The following SLC35F1 variants were observed in gnomAD, a reference collection of about 807,000 sequenced individuals.
SLC35F1 encodes the protein chromosome 6 open reading frame 169.
Under a neutral mutation model 48.7 loss-of-function variants are expected in SLC35F1, and 14 were observed. That is an observed-to-expected ratio of 0.29 (90% CI 0.19 to 0.45). The LOEUF is 0.45. SLC35F1 is among the 20% of genes least tolerant of loss of function. SLC35F1 has a pLI of 1.00. For synonymous variants in SLC35F1, 190 were observed against 202.2 expected (o/e 0.94, Z 0.51); for missense variants, 404 against 500.0 (o/e 0.81, Z 1.83).
At chr6:118,108,234 G>A (rs1270469075) in intron 1 of SLC35F1, among the ~76,000 whole-genome samples, 2 of 152,144 alleles carry the variant, frequency 1.3e-5, no homozygotes, top group African/African-American at 4.8e-5. Flanking sequence ...TCTGGAACTT[G>A]ATGTTTAACT....
chr6:118,062,233 G>GTTAA (rs2114276347), intron 1 of SLC35F1, among the ~76,000 whole-genome samples: 1 of 152,248 alleles, frequency 6.6e-6, no homozygotes, highest in Non-Finnish European at 1.5e-5. Context: ...TGTTGTCAAT[G>GTTAA]TTAACAGAGG....
At chr6:118,113,329 C>T (rs1773435112) in intron 1 of SLC35F1, among the ~76,000 whole-genome samples, 1 of 152,088 alleles carries the variant, frequency 6.6e-6, no homozygotes, top group Non-Finnish European at 1.5e-5. Flanking sequence ...TTAAGTGATC[C>T]TCTTGACCCA....
At position 118,274,685 on chromosome 6, in the gene SLC35F1, A is replaced by T. The variant is rs534685979; in HGVS notation, c.638-774A>T. ...AATGCTAGGATTACAGGCGTGTGCCACCACGCCCAGCCCAAAATTGAGTTT... is the reference window on the plus strand; with the variant it reads ...AATGCTAGGATTACAGGCGTGTGCCTCCACGCCCAGCCCAAAATTGAGTTT... On this transcript the variant is annotated intron_variant, in intron 4 of 7. Coordinates refer to ENST00000360388, the MANE Select transcript of SLC35F1 (RefSeq NM_001029858.4). 1.2e-4 allele frequency among the ~76,000 whole-genome samples: 19 copies of T among 152,378 alleles called. No homozygotes were observed. In the South Asian group the frequency reaches 3.7e-3, roughly 30 times the overall value.
chr6:117,913,257 A>G (rs1441164542), intron 1 of SLC35F1, among the ~76,000 whole-genome samples: 3 of 152,210 alleles, frequency 2.0e-5, no homozygotes, highest in African/African-American at 4.8e-5. Context: ...GAAAAAACCT[A>G]TGAATTTTGG....
At position 118,314,426 on chromosome 6, in the gene SLC35F1, C is replaced by T; in HGVS notation, c.*174C>T. ...AACAAGCTCAACATCACTGGAGACA[C>T]AGGCTCTAATCCACCTGACTTGGAA... On this transcript the variant is annotated 3_prime_UTR_variant, in exon 8 of 8. Transcript: ENST00000360388. The T allele has an allele frequency of 1.6e-6, 1 of 619,398 alleles. No homozygotes were observed. The highest frequency in any genetic ancestry group is 2.9e-6 in the Non-Finnish European group (1 of 350,830). The allele number at this position is 619,398 out of a possible 1,614,324, so 38.4% of individuals were successfully genotyped here.
chr6:117,915,767 A>G (rs930069238), intron 1 of SLC35F1, among the ~76,000 whole-genome samples: 1 of 152,190 alleles, frequency 6.6e-6, no homozygotes, highest in Non-Finnish European at 1.5e-5. Context: ...GGGAAAATCT[A>G]TAGGACAAAA....
chr6:118,089,621 CAA>C (rs1773043371), intron 1 of SLC35F1, among the ~76,000 whole-genome samples: 1 of 152,154 alleles, frequency 6.6e-6, no homozygotes, highest in Admixed American at 6.5e-5. Context: ...ACAACACACA[CAA>C]AGAGGCCTCA....
chr6:118,184,566 A>G (rs1226726637), intron 2 of SLC35F1, among the ~76,000 whole-genome samples: 1 of 152,208 alleles, frequency 6.6e-6, no homozygotes, highest in Non-Finnish European at 1.5e-5. Flanking sequence ...GTCCAGCAGG[A>G]ACTGTCTTTC....
intron 3 of SLC35F1, among the ~76,000 whole-genome samples, chr6:118,265,556 C>T (rs1196405442): frequency 1.3e-5 from 2 of 152,062 alleles, no homozygotes; most frequent in East Asian, 1.9e-4. Flanking sequence ...AGTGGAGCTC[C>T]TCCAGAAGGA....
chr6:118,308,064 C>G (rs1776333348), intron 7 of SLC35F1, among the ~76,000 whole-genome samples: 1 of 152,144 alleles, frequency 6.6e-6, no homozygotes, highest in African/African-American at 2.4e-5. Flanking sequence ...AGTGGGACTC[C>G]CCTTTTAGTT....
chr6:118,188,237 G>C (rs2114519334), intron 2 of SLC35F1, among the ~76,000 whole-genome samples: 2 of 152,268 alleles, frequency 1.3e-5, no homozygotes, highest in South Asian at 4.1e-4. Flanking sequence ...CTAAAGTTCA[G>C]TGAAAGAAAA....
At chr6:118,183,492 A>G (rs1774611984) in intron 2 of SLC35F1, among the ~76,000 whole-genome samples, 1 of 151,648 alleles carries the variant, frequency 6.6e-6, no homozygotes, top group African/African-American at 2.4e-5. Flanking sequence ...AAGTATAATA[A>G]TAATAAAATT....
At chr6:118,176,241 C>G (rs919571670) in intron 2 of SLC35F1, among the ~76,000 whole-genome samples, 1 of 152,080 alleles carries the variant, frequency 6.6e-6, no homozygotes. Flanking sequence ...CTAAATATCC[C>G]CATTCCCCTC....
intron 7 of SLC35F1, among the ~76,000 whole-genome samples, chr6:118,286,294 G>A (rs1776048257): frequency 1.3e-5 from 2 of 152,184 alleles, no homozygotes; most frequent in African/African-American, 4.8e-5. Flanking sequence ...GCAGCACTCG[G>A]GGGTGGCCAG....
intron 1 of SLC35F1, among the ~76,000 whole-genome samples, chr6:118,138,373 G>A (rs451051): frequency 0.032 from 4,886 of 151,426 alleles, 199 homozygotes; most frequent in African/African-American, 0.084. Flanking sequence ...ATAACTAAAT[G>A]CCTCAATACG....
chr6:118,205,696 T>A (rs1374268228), intron 2 of SLC35F1, among the ~76,000 whole-genome samples: 1 of 152,214 alleles, frequency 6.6e-6, no homozygotes, highest in African/African-American at 2.4e-5. Flanking sequence ...TGTATACCAA[T>A]GTTCACAGCA....
intron 1 of SLC35F1, among the ~76,000 whole-genome samples, chr6:117,921,150 T>C (rs1042335347): frequency 2.6e-5 from 4 of 152,036 alleles, no homozygotes; most frequent in African/African-American, 9.7e-5. Flanking sequence ...GCCCCCCAAC[T>C]TTTTTTACTA....
At chr6:118,056,923 G>A (rs945011981) in intron 1 of SLC35F1, among the ~76,000 whole-genome samples, 1 of 149,628 alleles carries the variant, frequency 6.7e-6, no homozygotes, top group African/African-American at 2.5e-5. Context: ...GTTTGGCAGC[G>A]CTGACAAGTA....
intron 2 of SLC35F1, among the ~76,000 whole-genome samples, chr6:118,169,127 T>C (rs1267351347): frequency 6.6e-6 from 1 of 152,228 alleles, no homozygotes; most frequent in Non-Finnish European, 1.5e-5. Context: ...GTGCCTCTGA[T>C]AGCAACATTG....
Sources: gnomAD v4.1 joint callset for allele counts (sites outside exome capture counted in the v4.1 genomes callset) on GRCh38, gnomAD v4.1.1 for gene constraint, MANE v1.5 for transcripts, NCBI Gene and HGNC (gene_info 2026-07-23, HGNC 2026-07-21) for gene names.